Variants in PLXNA2 observed in about 807,000 individuals in gnomAD.
PLXNA2 encodes plexin A2.
PLXNA2 carries 91 observed loss-of-function variants against 193.5 expected under a neutral mutation model. The observed-to-expected ratio is 0.47, with a 90% CI of 0.40 to 0.56. The LOEUF (loss-of-function observed/expected upper bound fraction) is 0.56, where lower values mean the gene tolerates loss of function less well. Among genes scored for constraint, PLXNA2 ranks in the 20% least tolerant of loss-of-function variants. PLXNA2 has a pLI of 0.00. For missense variants in PLXNA2, 1,995 were observed against 2,503.2 expected (o/e 0.80, Z 4.33); for synonymous variants, 997 against 1,027.3 (o/e 0.97, Z 0.56).
At chr1:208,181,669 C>T (rs1669846707) in intron 3 of PLXNA2, among the ~76,000 whole-genome samples, 1 of 152,152 alleles carries the variant, frequency 6.6e-6, no homozygotes, top group African/African-American at 2.4e-5. Flanking sequence ...GGAGGGGAAT[C>T]TCACCCCTGC....
chr1:208,107,025 C>A (rs952117759), intron 4 of PLXNA2, among the ~76,000 whole-genome samples: 4 of 152,212 alleles, frequency 2.6e-5, no homozygotes, highest in Non-Finnish European at 5.9e-5. Context: ...GGAAGAACTG[C>A]AAAGACCACA....
chr1:208,034,455 C>G lies in PLXNA2; in HGVS notation c.4864+38G>C, dbSNP rs759445371. 40 of 1,345,774 alleles carry G rather than the reference C, an allele frequency of 3.0e-5. 1 individual carries two copies. In the South Asian group the frequency reaches 4.4e-4, roughly 15 times the overall value. 83.4% of individuals were successfully genotyped at this position (1,345,774 alleles called of 1,614,324 possible). Reference sequence around the variant, plus strand: ...GGGCCCTGCTAGGTCTCAGAAGACTCTGCTCTGAGCTGCCCAGTCTGCCCT... The same window carrying G: ...GGGCCCTGCTAGGTCTCAGAAGACTGTGCTCTGAGCTGCCCAGTCTGCCCT... On this transcript the variant is annotated intron_variant, in intron 27 of 31. Transcript: ENST00000367033.
chr1:208,042,787 C>A (rs1664918449), intron 21 of PLXNA2, among the ~76,000 whole-genome samples: 1 of 152,254 alleles, frequency 6.6e-6, no homozygotes. Context: ...CATCTTAAAT[C>A]CATTTTAGAA....
At chr1:208,052,630 CTT>C (rs1665301385) in intron 14 of PLXNA2, among the ~76,000 whole-genome samples, 167 bp from the exon 15 acceptor site, 1 of 152,108 alleles carries the variant, frequency 6.6e-6, no homozygotes, top group Admixed American at 6.5e-5. Flanking sequence ...AGGTGAGACT[CTT>C]TCTAAGAATC....
At chr1:208,030,407 C>T (rs904390071) in intron 29 of PLXNA2, 6 of 985,534 alleles carry the variant, frequency 6.1e-6, no homozygotes, top group South Asian at 4.7e-5. Flanking sequence ...CCTCTCCCAG[C>T]GCTGGGCCGG....
intron 2 of PLXNA2, among the ~76,000 whole-genome samples, chr1:208,214,735 T>A (rs913114577): frequency 3.3e-5 from 5 of 152,198 alleles, no homozygotes; most frequent in African/African-American, 1.2e-4. Context: ...ACCTAACATT[T>A]CCAGGCATGG....
At position 208,026,586 on chromosome 1, in the gene PLXNA2, C is replaced by A. The variant is rs1040147501; in HGVS notation, c.*657G>T. 6.6e-6 allele frequency: 1 copy of A among 151,858 alleles called. No homozygotes were observed. Among genetic ancestry groups the A allele is most frequent in the Admixed American group, 6.6e-5 (1 of 15,244 alleles). The allele number at this position is 151,858 out of a possible 1,614,324, so 9.4% of individuals were successfully genotyped here. A position where few individuals can be genotyped will look rare whatever the true frequency, so the allele number is the denominator to read the frequency against. On this transcript the variant is annotated 3_prime_UTR_variant, in exon 32 of 32. Coordinates refer to ENST00000367033, the MANE Select transcript of PLXNA2 (RefSeq NM_025179.4). ...GCTGCCGGGATAATTCCAGGTTTTACTGGCCTCTGTTTTTGCGAAGTGTTT... is the reference window on the plus strand; with the variant it reads ...GCTGCCGGGATAATTCCAGGTTTTAATGGCCTCTGTTTTTGCGAAGTGTTT...
At chr1:208,204,069 G>C (rs1366088587) in intron 3 of PLXNA2, among the ~76,000 whole-genome samples, 1 of 152,192 alleles carries the variant, frequency 6.6e-6, no homozygotes, top group Non-Finnish European at 1.5e-5. Context: ...TGGAGACCTT[G>C]GGTTGGTATG....
chr1:208,042,919 C>A, intron 21 of PLXNA2, 142 bp downstream of exon 21: 1 of 765,824 alleles, frequency 1.3e-6, no homozygotes, highest in East Asian at 2.7e-5. Context: ...CCTGATAGCT[C>A]TGTTGCTGAG....
At chr1:208,196,642 A>G (rs1670369975) in intron 3 of PLXNA2, among the ~76,000 whole-genome samples, 1 of 152,204 alleles carries the variant, frequency 6.6e-6, no homozygotes, top group Non-Finnish European at 1.5e-5. Flanking sequence ...CCCTGGGTTA[A>G]CTGAGAAGAA....
At chr1:208,133,487 A>C (rs761251577) in intron 4 of PLXNA2, among the ~76,000 whole-genome samples, 1 of 152,220 alleles carries the variant, frequency 6.6e-6, no homozygotes, top group Non-Finnish European at 1.5e-5. Flanking sequence ...TTTTGCTGGA[A>C]TATTACTTAG....
intron 3 of PLXNA2, among the ~76,000 whole-genome samples, chr1:208,207,245 A>T (rs1053291026): frequency 9.2e-5 from 14 of 152,194 alleles, no homozygotes; most frequent in African/African-American, 2.4e-4. Flanking sequence ...ACCTCAGGTG[A>T]TCCACCTGCC....
intron 12 of PLXNA2, among the ~76,000 whole-genome samples, chr1:208,073,586 CT>C (rs1216997522): frequency 6.6e-6 from 1 of 152,190 alleles, no homozygotes; most frequent in South Asian, 2.1e-4. Context: ...CATCTCCCCC[CT>C]CTGATCAGAA....
At chr1:208,097,623 ACT>A (rs1666941884) in intron 6 of PLXNA2, among the ~76,000 whole-genome samples, 1 of 151,942 alleles carries the variant, frequency 6.6e-6, no homozygotes, top group Admixed American at 6.5e-5. Flanking sequence ...AATATCACAG[ACT>A]CTCTGAGGAA....
chr1:208,102,833 G>A (rs781211674), intron 5 of PLXNA2, among the ~76,000 whole-genome samples: 10 of 152,140 alleles, frequency 6.6e-5, no homozygotes, highest in Non-Finnish European at 1.3e-4. Flanking sequence ...GAAGTTTTGG[G>A]GAAACCTAAA....
In PLXNA2 at chr1:208,241,426, A is replaced by T. The variant is rs1019361113; in HGVS notation, c.-81+2217T>A. On this transcript the variant is annotated intron_variant, in intron 1 of 31. Coordinates refer to ENST00000367033, the MANE Select transcript of PLXNA2 (RefSeq NM_025179.4). Reference sequence around the variant, plus strand: ...AATGACATGGTTTTGGGCGATGGACATAAGACACTGCCATACTCTTCATTT... The same window carrying T: ...AATGACATGGTTTTGGGCGATGGACTTAAGACACTGCCATACTCTTCATTT... Among the ~76,000 whole-genome samples, 5 of 152,338 alleles carry T rather than the reference A, an allele frequency of 3.3e-5. No homozygotes were observed. In the East Asian group the frequency reaches 7.7e-4, roughly 24 times the overall value.
chr1:208,128,009 G>A (rs1245263304), intron 4 of PLXNA2, among the ~76,000 whole-genome samples: 1 of 152,184 alleles, frequency 6.6e-6, no homozygotes, highest in Non-Finnish European at 1.5e-5. Flanking sequence ...CTGCCTGGGA[G>A]TCAGGGAACC....
chr1:208,050,078 C>T (rs1219061956), intron 17 of PLXNA2, among the ~76,000 whole-genome samples: 1 of 152,182 alleles, frequency 6.6e-6, no homozygotes, highest in African/African-American at 2.4e-5. Context: ...ACGATACAGA[C>T]AACTTTTTAA....
chr1:208,043,253 G>A (rs759175066), intron 20 of PLXNA2, 50 bp from the exon 21 acceptor site: 1 of 1,586,764 alleles, frequency 6.3e-7, no homozygotes, highest in Non-Finnish European at 8.6e-7. Flanking sequence ...CCAGTCGGGG[G>A]AGGAGAAAGA....
Sources: gnomAD v4.1 joint callset for allele counts (sites outside exome capture counted in the v4.1 genomes callset) on GRCh38, gnomAD v4.1.1 for gene constraint, MANE v1.5 for transcripts, NCBI Gene and HGNC (gene_info 2026-07-23, HGNC 2026-07-21) for gene names.